RGS21: variants seen among roughly 807,000 people sequenced by gnomAD.
The protein encoded by RGS21 is regulator of G-protein signalling 21.
RGS21 carries 19 observed loss-of-function variants against 18.7 expected under a neutral mutation model. The ratio of observed to expected loss-of-function variants is 1.01; its 90% confidence interval spans 0.71 to 1.49. The LOEUF is 1.49. Ranked by LOEUF, RGS21 falls within the 40% of genes most tolerant of loss-of-function variation. RGS21 has a pLI of 0.00. For synonymous variants in RGS21, 56 were observed against 57.8 expected (o/e 0.97, Z 0.14); for missense variants, 194 against 176.8 (o/e 1.10, Z -0.55).
chr1:192,338,537 G>T (rs1419061587), intron 1 of RGS21, among the ~76,000 whole-genome samples: 2 of 152,054 alleles, frequency 1.3e-5, no homozygotes, highest in Non-Finnish European at 2.9e-5. Flanking sequence ...GATCTCCTTT[G>T]CTGTGACCTG....
rs914219071 is a variant in RGS21, at chr1:192,324,708, A to G, written c.-61+7603A>G. 3.9e-5 allele frequency among the ~76,000 whole-genome samples: 6 copies of G among 152,026 alleles called. No homozygotes were observed. The South Asian group carries it at 1.2e-3, about 32-fold the overall frequency. On this transcript the variant is annotated intron_variant, in intron 1 of 4. Transcript: ENST00000417209. ...ATAATTATAAAATTTTGGCATTCAAAAACCTCCATCCATAGAAAAAATTAC... is the reference window on the plus strand; with the variant it reads ...ATAATTATAAAATTTTGGCATTCAAGAACCTCCATCCATAGAAAAAATTAC...
At chr1:192,318,427 T>C (rs1028377007) in intron 1 of RGS21, among the ~76,000 whole-genome samples, 9 of 152,100 alleles carry the variant, frequency 5.9e-5, no homozygotes, top group African/African-American at 2.2e-4. Flanking sequence ...TCCCCCTCCT[T>C]GGGGCTAGAC....
At chr1:192,350,379 A>C (rs1659022852) in intron 3 of RGS21, among the ~76,000 whole-genome samples, 1 of 152,202 alleles carries the variant, frequency 6.6e-6, no homozygotes, top group African/African-American at 2.4e-5. Context: ...GCAGCAGCCC[A>C]TAAACAACAG....
chr1:192,345,225 T>G (rs1332815771), intron 2 of RGS21, among the ~76,000 whole-genome samples: 1 of 152,098 alleles, frequency 6.6e-6, no homozygotes, highest in Non-Finnish European at 1.5e-5. Context: ...GACACTGCCT[T>G]CTAGAATGGA....
At chr1:192,354,167 G>A (rs965320169) in intron 4 of RGS21, among the ~76,000 whole-genome samples, 1 of 151,598 alleles carries the variant, frequency 6.6e-6, no homozygotes, top group African/African-American at 2.4e-5. Context: ...GATTTTTTGA[G>A]TATCTGTTCC....
chr1:192,349,819 A>G (rs1272700046), intron 3 of RGS21, among the ~76,000 whole-genome samples: 1 of 152,152 alleles, frequency 6.6e-6, no homozygotes, highest in East Asian at 1.9e-4. Context: ...TAATGATTGT[A>G]TCTTGATCTC....
chr1:192,365,997 C>T lies in RGS21; in HGVS notation c.332C>T (p.Ala111Val). 1.9e-6 allele frequency: 3 copies of T among 1,609,460 alleles called. No individual in the cohort carries two copies. Among genetic ancestry groups the T allele is most frequent in the Non-Finnish European group, 2.6e-6 (3 of 1,176,260 alleles). The part of the protein sequence containing the change: ...AEPTLKCFDE[A>V]QKLIYCLMAK... Reference sequence around the variant, plus strand: ...CCAACACTCAAATGCTTTGATGAGGCTCAGAAATTAATCTATTGTCTCATG... The same window carrying T: ...CCAACACTCAAATGCTTTGATGAGGTTCAGAAATTAATCTATTGTCTCATG... Residue 111 changes from alanine (A) to valine (V), a missense_variant, in exon 5 of 5, where the codon GCT (alanine) becomes GTT (valine). Transcript: ENST00000417209.
rs10638712 is a variant in RGS21 at position 192,359,655 on chromosome 1, G to GTATATATATATATATATA, written c.256-6260_256-6243dup. ...TATATATGTTTATATGTGTGTGTGT[G>GTATATATATATATATATA]TATATATATATATATATATATATTC... On this transcript the variant is annotated intron_variant, in intron 4 of 4. Coordinates refer to ENST00000417209, the MANE Select transcript of RGS21 (RefSeq NM_001039152.3). Among the ~76,000 whole-genome samples, 252 of 124,218 alleles carry GTATATATATATATATATA rather than the reference G, an allele frequency of 2.0e-3. 2 individuals carry two copies. Among genetic ancestry groups the GTATATATATATATATATA allele is most frequent in the African/African-American group, 5.7e-3 (191 of 33,574 alleles). The allele number at this position is 124,218 out of a possible 152,430, so 81.5% of individuals were successfully genotyped here.
intron 1 of RGS21, among the ~76,000 whole-genome samples, chr1:192,333,803 A>C (rs936443281): frequency 6.6e-6 from 1 of 152,084 alleles, no homozygotes; most frequent in Non-Finnish European, 1.5e-5. Flanking sequence ...CAAAATGACA[A>C]AGGGCAAACA....
intron 3 of RGS21, among the ~76,000 whole-genome samples, chr1:192,350,645 C>A (rs1266215428): frequency 6.6e-6 from 1 of 152,176 alleles, no homozygotes; most frequent in Non-Finnish European, 1.5e-5. Context: ...ATGTTTTACT[C>A]CTCAGAGATA....
chr1:192,318,059 T>C (rs868276075), intron 1 of RGS21, among the ~76,000 whole-genome samples: 28 of 152,092 alleles, frequency 1.8e-4, no homozygotes, highest in African/African-American at 6.5e-4. Context: ...TTCTCCTGCT[T>C]TCTAAAATGT....
chr1:192,337,915 A>T (rs570051049), intron 1 of RGS21, among the ~76,000 whole-genome samples: 45 of 152,304 alleles, frequency 3.0e-4, no homozygotes, highest in Admixed American at 2.9e-3. Flanking sequence ...TTTTACTTAC[A>T]TCAGAAATCT....
At chr1:192,349,914 G>T (rs1306965748) in intron 3 of RGS21, among the ~76,000 whole-genome samples, 1 of 152,048 alleles carries the variant, frequency 6.6e-6, no homozygotes, top group South Asian at 2.1e-4. Context: ...ATAAAATATT[G>T]CCAGGCATGA....
intron 1 of RGS21, among the ~76,000 whole-genome samples, chr1:192,339,628 C>T (rs1281012049): frequency 3.3e-5 from 5 of 151,966 alleles, no homozygotes; most frequent in Admixed American, 2.0e-4. Flanking sequence ...TCTGCACAGA[C>T]GTAATACCAA....
chr1:192,323,415 T>A (rs1658522817), intron 1 of RGS21, among the ~76,000 whole-genome samples: 2 of 152,100 alleles, frequency 1.3e-5, no homozygotes, highest in Non-Finnish European at 1.5e-5. Context: ...GCAGGCACGT[T>A]AGGCAAAAGT....
chr1:192,353,297 T>A (rs998430881), intron 4 of RGS21, among the ~76,000 whole-genome samples: 2 of 151,956 alleles, frequency 1.3e-5, no homozygotes, highest in Non-Finnish European at 2.9e-5. Flanking sequence ...AGTATAGCAT[T>A]AATAGTCACG....
chr1:192,335,576 A>G (rs1490683247), intron 1 of RGS21, among the ~76,000 whole-genome samples: 3 of 152,168 alleles, frequency 2.0e-5, no homozygotes, highest in Non-Finnish European at 2.9e-5. Context: ...TGAGATGTAC[A>G]AGACTGTGTC....
intron 1 of RGS21, among the ~76,000 whole-genome samples, chr1:192,327,680 C>T (rs1266134840): frequency 2.0e-5 from 3 of 151,938 alleles, no homozygotes; most frequent in South Asian, 2.1e-4. Context: ...ACCATGTTGG[C>T]CAGGCTGGTC....
chr1:192,348,024 T>G (rs1233242357), intron 3 of RGS21, among the ~76,000 whole-genome samples: 2 of 120,886 alleles, frequency 1.7e-5, no homozygotes, highest in African/African-American at 7.3e-5. Context: ...ATATATGTAT[T>G]TTTTTTTTTT....
Sources: allele counts gnomAD v4.1 joint callset (sites outside exome capture counted in the v4.1 genomes callset), GRCh38; gene constraint gnomAD v4.1.1; transcripts MANE v1.5; gene names NCBI Gene and HGNC (gene_info 2026-07-23, HGNC 2026-07-21).